PALS1: variants seen among roughly 807,000 people sequenced by gnomAD.
The protein encoded by PALS1 is protein associated with LIN7 1, MAGUK p55 family member, also known as protein PALS1.
A neutral mutation model predicts 78.9 loss-of-function variants in PALS1; 31 were observed. That is an observed-to-expected ratio of 0.39 (90% CI 0.30 to 0.53). The LOEUF is 0.53. Ranked by LOEUF, PALS1 falls within the 20% of genes least tolerant of loss-of-function variation. The probability of loss-of-function intolerance (pLI) is 0.67; values close to 1 mark genes in which losing one functional copy is unlikely to be tolerated. For missense variants in PALS1, 704 were observed against 826.5 expected (o/e 0.85, Z 1.82); for synonymous variants, 276 against 270.9 (o/e 1.02, Z -0.18).
intron 9 of PALS1, among the ~76,000 whole-genome samples, chr14:67,315,478 G>A (rs567536962): frequency 2.7e-4 from 41 of 151,964 alleles, no homozygotes; most frequent in African/African-American, 6.5e-4. Context: ...GGGTTTCACC[G>A]TGTTAGCCAG....
At chr14:67,263,883 G>T (rs4636843) in intron 1 of PALS1, among the ~76,000 whole-genome samples, 2 of 151,936 alleles carry the variant, frequency 1.3e-5, no homozygotes, top group African/African-American at 2.4e-5. Flanking sequence ...TAAAATAGGG[G>T]TAGTAATTCT....
chr14:67,246,900 C>T (rs906832772), intron 1 of PALS1, among the ~76,000 whole-genome samples: 1 of 152,030 alleles, frequency 6.6e-6, no homozygotes, highest in African/African-American at 2.4e-5. Flanking sequence ...TCTGCCTGCC[C>T]CGGCTTCCCA....
At chr14:67,318,196 A>AT (rs1566576066) in intron 11 of PALS1, among the ~76,000 whole-genome samples, 1 of 152,236 alleles carries the variant, frequency 6.6e-6, no homozygotes, top group African/African-American at 2.4e-5. Flanking sequence ...TATGTAATTT[A>AT]TAAGGCTTTT....
At chr14:67,250,601 G>A (rs2084050903) in intron 1 of PALS1, among the ~76,000 whole-genome samples, 1 of 152,110 alleles carries the variant, frequency 6.6e-6, no homozygotes, top group Non-Finnish European at 1.5e-5. Flanking sequence ...CACACACACT[G>A]TTCATACAAT....
intron 1 of PALS1, among the ~76,000 whole-genome samples, chr14:67,250,347 C>G (rs1320642156): frequency 6.6e-6 from 1 of 152,112 alleles, no homozygotes; most frequent in African/African-American, 2.4e-5. Context: ...TTCATTTATG[C>G]TCAGAAGTAC....
chr14:67,280,854 TCCC>T (rs1567518341), intron 3 of PALS1, among the ~76,000 whole-genome samples: 2 of 100,932 alleles, frequency 2.0e-5, no homozygotes, highest in African/African-American at 1.2e-4. Context: ...CTTCCTTCCT[TCCC>T]TCCCTCCCTC....
chr14:67,306,058 C>T (rs2084997180), intron 8 of PALS1, among the ~76,000 whole-genome samples: 1 of 152,176 alleles, frequency 6.6e-6, no homozygotes, highest in Non-Finnish European at 1.5e-5. Flanking sequence ...CAACCTCCGC[C>T]TCCCAGAGTC....
At chr14:67,258,809 A>G (rs1040127096) in intron 1 of PALS1, among the ~76,000 whole-genome samples, 4 of 152,004 alleles carry the variant, frequency 2.6e-5, no homozygotes, top group African/African-American at 9.7e-5. Flanking sequence ...TGCTTTAATC[A>G]TTCTTTTCTT....
chr14:67,328,246 T>G (rs2085390885), intron 14 of PALS1, among the ~76,000 whole-genome samples: 1 of 152,236 alleles, frequency 6.6e-6, no homozygotes, highest in Non-Finnish European at 1.5e-5. Flanking sequence ...TGATGAGCAT[T>G]TTTTCATGTG....
intron 1 of PALS1, among the ~76,000 whole-genome samples, chr14:67,264,164 A>G: frequency 6.6e-6 from 1 of 152,188 alleles, no homozygotes; most frequent in East Asian, 1.9e-4. Flanking sequence ...AAATTGTAGA[A>G]TGTTTATTTT....
intron 14 of PALS1, among the ~76,000 whole-genome samples, chr14:67,325,870 G>T (rs959798735): frequency 1.3e-5 from 2 of 150,704 alleles, no homozygotes; most frequent in South Asian, 2.1e-4. Flanking sequence ...ATGCAGTGGC[G>T]TAATCTTGGC....
intron 12 of PALS1, 21 bp downstream of exon 12, chr14:67,320,418 A>G (rs764744870): frequency 5.1e-6 from 8 of 1,570,044 alleles, no homozygotes; most frequent in African/African-American, 1.4e-5. Context: ...ATGCATTCCC[A>G]TTTTCCTGTG....
chr14:67,256,746 G>GAA (rs765714124), intron 1 of PALS1, among the ~76,000 whole-genome samples: 2 of 149,826 alleles, frequency 1.3e-5, no homozygotes, highest in Non-Finnish European at 3.0e-5. Flanking sequence ...AGGGCAGAAA[G>GAA]AAAAAAATCT....
At chr14:67,303,628 A>C in intron 8 of PALS1, 29 bp downstream of exon 8, 1 of 1,532,452 alleles carries the variant, frequency 6.5e-7, no homozygotes, top group South Asian at 1.1e-5. Flanking sequence ...TTCATTATTT[A>C]TGTGTTTGTG....
At chr14:67,295,229 A>G (rs1272805954) in intron 4 of PALS1, among the ~76,000 whole-genome samples, 1 of 151,778 alleles carries the variant, frequency 6.6e-6, no homozygotes, top group Non-Finnish European at 1.5e-5. Flanking sequence ...TCACGCCTGT[A>G]ATCCCAGCAT....
chr14:67,279,584 T>A (rs891780488), intron 3 of PALS1, 47 bp downstream of exon 3: 3 of 1,482,596 alleles, frequency 2.0e-6, no homozygotes, highest in African/African-American at 2.8e-5. Context: ...CTTTAATTTA[T>A]CTGTGCCTTA....
At chr14:67,289,754 AT>A (rs2084744601) in intron 3 of PALS1, among the ~76,000 whole-genome samples, 1 of 142,676 alleles carries the variant, frequency 7.0e-6, no homozygotes, top group Admixed American at 7.0e-5. Context: ...CATTGGGAAG[AT>A]TTTTTTCCAT....
rs536504283 is a variant in PALS1, at chr14:67,275,339, AATTTT to A, written c.-153-3678_-153-3674del. ...GAGTTTTTAGCATGAAGGGCTATTGAATTTTGTCAAAGGCCTTTTCTGCATCTATT... is the reference window on the plus strand; with the variant it reads ...GAGTTTTTAGCATGAAGGGCTATTGAGTCAAAGGCCTTTTCTGCATCTATT... On this transcript the variant is annotated intron_variant, in intron 2 of 14. Transcript: ENST00000261681. 1.6e-4 allele frequency among the ~76,000 whole-genome samples: 25 copies of A among 152,312 alleles called. 1 individual carries two copies. In the South Asian group the frequency reaches 5.2e-3, roughly 32 times the overall value.
At chr14:67,314,075 C>CT (rs2085133646) in intron 9 of PALS1, among the ~76,000 whole-genome samples, 1 of 151,870 alleles carries the variant, frequency 6.6e-6, no homozygotes, top group East Asian at 1.9e-4. Flanking sequence ...TATCTACAAC[C>CT]TTTTTTAGCG....
Sources: gnomAD v4.1 joint callset for allele counts (sites outside exome capture counted in the v4.1 genomes callset) on GRCh38, gnomAD v4.1.1 for gene constraint, MANE v1.5 for transcripts, NCBI Gene and HGNC (gene_info 2026-07-23, HGNC 2026-07-21) for gene names.